The following THEM4 variants were observed in gnomAD, a reference collection of about 807,000 sequenced individuals.
The protein encoded by THEM4 is acyl-coenzyme A thioesterase THEM4.
Under a neutral mutation model 25.0 loss-of-function variants are expected in THEM4, and 22 were observed. The observed-to-expected ratio is 0.88, with a 90% confidence interval of 0.63 to 1.26. THEM4 has a LOEUF of 1.26. Among genes scored for constraint, THEM4 ranks in the 50% most tolerant of loss-of-function variants. THEM4 has a pLI of 0.00. For synonymous variants in THEM4, 113 were observed against 105.6 expected (o/e 1.07, Z -0.43); for missense variants, 286 against 300.3 (o/e 0.95, Z 0.35).
intron 4 of THEM4, among the ~76,000 whole-genome samples, chr1:151,884,637 T>C (rs1394394905): frequency 6.6e-6 from 1 of 152,156 alleles, no homozygotes; most frequent in Non-Finnish European, 1.5e-5. Flanking sequence ...ACCTATTCAC[T>C]GAGGTATTTT....
At chr1:151,902,574 A>G (rs979053717) in intron 1 of THEM4, among the ~76,000 whole-genome samples, 4 of 152,210 alleles carry the variant, frequency 2.6e-5, no homozygotes, top group Non-Finnish European at 4.4e-5. Context: ...TGGGTGCACC[A>G]ATATCTCACA....
chr1:151,883,342 T>G (rs1194115818), intron 4 of THEM4, among the ~76,000 whole-genome samples: 3 of 152,086 alleles, frequency 2.0e-5, no homozygotes, highest in Non-Finnish European at 4.4e-5. Context: ...CTTGAACTCC[T>G]GATCTCAGGT....
intron 1 of THEM4, among the ~76,000 whole-genome samples, chr1:151,904,543 G>T (rs1654415586): frequency 6.6e-6 from 1 of 152,088 alleles, no homozygotes. Context: ...TTAAGCAAGG[G>T]AGTAATATGA....
At chr1:151,904,203 T>G (rs1654409911) in intron 1 of THEM4, among the ~76,000 whole-genome samples, 1 of 152,122 alleles carries the variant, frequency 6.6e-6, no homozygotes, top group African/African-American at 2.4e-5. Context: ...TCAGCCTTCA[T>G]ATATGTAAGG....
At chr1:151,900,858 A>ACGCCCATGC (rs1654334681) in intron 1 of THEM4, among the ~76,000 whole-genome samples, 1 of 152,244 alleles carries the variant, frequency 6.6e-6, no homozygotes, top group Admixed American at 6.5e-5. Flanking sequence ...GATGGCCATG[A>ACGCCCATGC]TGCCCATGCT....
At position 151,870,948 on chromosome 1, in the gene THEM4, G is replaced by A. The variant is rs1291532306; in HGVS notation, c.*3940C>T. ...GAGCAAAAACTCACGGCCTAATTAT[G>A]TTTACACTGATAGTTTAAAGATATT... On this transcript the variant is annotated 3_prime_UTR_variant, in exon 6 of 6. Transcript: ENST00000368814. 1.3e-5 allele frequency among the ~76,000 whole-genome samples: 2 copies of A among 152,122 alleles called. No homozygotes were observed.
At chr1:151,903,514 C>G (rs1426598628) in intron 1 of THEM4, among the ~76,000 whole-genome samples, 4 of 152,166 alleles carry the variant, frequency 2.6e-5, no homozygotes, top group Non-Finnish European at 5.9e-5. Context: ...TTTTGCTGCT[C>G]TAAATGAAAA....
In THEM4 at chr1:151,872,639, C is replaced by A. The variant is rs1653578338; in HGVS notation, c.*2249G>T. ...TGTTAATCTGTAACTTTAGCCCCAACCCTGTGCTTACAGAAACATGTGCTG... is the reference window on the plus strand; with the variant it reads ...TGTTAATCTGTAACTTTAGCCCCAAACCTGTGCTTACAGAAACATGTGCTG... On this transcript the variant is annotated 3_prime_UTR_variant, in exon 6 of 6. Coordinates refer to ENST00000368814, the MANE Select transcript of THEM4 (RefSeq NM_053055.5). Among the ~76,000 whole-genome samples the A allele has an allele frequency of 6.6e-6, 1 of 152,154 alleles. No individual in the cohort carries two copies.
chr1:151,893,843 A>T lies in THEM4; in HGVS notation c.286+1165T>A, dbSNP rs146902639. 1.2e-3 allele frequency among the ~76,000 whole-genome samples: 178 copies of T among 151,808 alleles called. 3 individuals carry two copies. In the East Asian group the frequency reaches 0.029, roughly 24 times the overall value. On this transcript the variant is annotated intron_variant, in intron 2 of 5. Coordinates refer to ENST00000368814, the MANE Select transcript of THEM4 (RefSeq NM_053055.5). Reference sequence around the variant, plus strand: ...GAAGTATGGTTGTTGGGCAATATTGAGAGCCTTCTTTTTCTCTTTTTTTTT... The same window carrying T: ...GAAGTATGGTTGTTGGGCAATATTGTGAGCCTTCTTTTTCTCTTTTTTTTT...
chr1:151,908,174 G>A (rs993662531), intron 1 of THEM4, among the ~76,000 whole-genome samples: 1 of 152,162 alleles, frequency 6.6e-6, no homozygotes, highest in Non-Finnish European at 1.5e-5. Flanking sequence ...TTTCCTTTTG[G>A]AAGACGTTTT....
chr1:151,883,381 C>T (rs1370936244), intron 4 of THEM4, among the ~76,000 whole-genome samples: 1 of 152,066 alleles, frequency 6.6e-6, no homozygotes, highest in South Asian at 2.1e-4. Context: ...TCCCAAAATG[C>T]TGGGATTACA....
chr1:151,876,668 C>T (rs1014180960), intron 5 of THEM4, among the ~76,000 whole-genome samples: 4 of 151,934 alleles, frequency 2.6e-5, no homozygotes, highest in African/African-American at 4.8e-5. Flanking sequence ...AGGCTGGTCT[C>T]GAACTCCTGG....
intron 4 of THEM4, among the ~76,000 whole-genome samples, chr1:151,886,105 T>C (rs890178908): frequency 6.6e-6 from 1 of 152,190 alleles, no homozygotes; most frequent in African/African-American, 2.4e-5. Flanking sequence ...CAGAAGACAA[T>C]GGAGGCTGTG....
At chr1:151,889,462 C>T in intron 2 of THEM4, 89 bp from the exon 3 acceptor site, 1 of 1,312,240 alleles carries the variant, frequency 7.6e-7, no homozygotes, top group Non-Finnish European at 1.1e-6. Context: ...GCTAGAATCA[C>T]ATGTCAATAG....
At chr1:151,883,997 C>G (rs1653903116) in intron 4 of THEM4, among the ~76,000 whole-genome samples, 1 of 151,744 alleles carries the variant, frequency 6.6e-6, no homozygotes. Context: ...ATCACTTGAA[C>G]CCAGGAGGTA....
chr1:151,879,643 T>G (rs570449902), intron 4 of THEM4, among the ~76,000 whole-genome samples: 1 of 151,522 alleles, frequency 6.6e-6, no homozygotes, highest in Non-Finnish European at 1.5e-5. Flanking sequence ...TCCATTTTCT[T>G]TCTTTCTTTT....
intron 1 of THEM4, among the ~76,000 whole-genome samples, chr1:151,908,179 C>T (rs567508632): frequency 1.3e-5 from 2 of 152,326 alleles, no homozygotes; most frequent in South Asian, 2.1e-4. Context: ...TTTTGGAAGA[C>T]GTTTTGCTCT....
At chr1:151,891,926 A>G (rs1654102925) in intron 2 of THEM4, among the ~76,000 whole-genome samples, 1 of 152,112 alleles carries the variant, frequency 6.6e-6, no homozygotes, top group Non-Finnish European at 1.5e-5. Flanking sequence ...ACAAAGTTAG[A>G]TGGTATAAAC....
intron 4 of THEM4, among the ~76,000 whole-genome samples, chr1:151,883,355 T>G (rs1353643146): frequency 1.3e-5 from 2 of 152,036 alleles, no homozygotes; most frequent in East Asian, 3.9e-4. Context: ...TCTCAGGTGA[T>G]CCACTCACCT....
Sources: allele counts gnomAD v4.1 joint callset (sites outside exome capture counted in the v4.1 genomes callset), GRCh38; gene constraint gnomAD v4.1.1; transcripts MANE v1.5; gene names NCBI Gene and HGNC (gene_info 2026-07-23, HGNC 2026-07-21).